Variants in PEBP4 observed in about 807,000 individuals in gnomAD.
PEBP4 encodes phosphatidylethanolamine binding protein 4.
In PEBP4, 22 loss-of-function variants were observed where a neutral mutation model predicts 23.9. The ratio of observed to expected loss-of-function variants is 0.92; its 90% confidence interval spans 0.66 to 1.31. The LOEUF (loss-of-function observed/expected upper bound fraction) is 1.31, where lower values mean the gene tolerates loss of function less well. Among genes scored for constraint, PEBP4 ranks in the 40% most tolerant of loss-of-function variants. PEBP4 has a pLI of 0.00. For missense variants in PEBP4, 324 were observed against 281.7 expected (o/e 1.15, Z -1.07); for synonymous variants, 112 against 99.3 (o/e 1.13, Z -0.76).
At chr8:22,737,494 C>T (rs1804891949) in intron 4 of PEBP4, among the ~76,000 whole-genome samples, 3 of 152,124 alleles carry the variant, frequency 2.0e-5, no homozygotes, top group Admixed American at 1.3e-4. Flanking sequence ...CTCAGATCCC[C>T]GCCCTCCAGG....
chr8:22,879,536 A>T (rs779106769), intron 3 of PEBP4: 2 of 152,234 alleles, frequency 1.3e-5, no homozygotes, highest in Non-Finnish European at 2.9e-5. Flanking sequence ...TCTTCAATCT[A>T]CAGAAGCAAC....
chr8:22,892,165 A>G lies in PEBP4; in HGVS notation c.258+28019T>C, dbSNP rs574943498. On this transcript the variant is annotated intron_variant, in intron 3 of 6. Coordinates refer to ENST00000256404, the MANE Select transcript of PEBP4 (RefSeq NM_144962.3). ...AACTTGTGAGAAATAAAACTTTAGT[A>G]GTCAGCCTATTTAATGCTAAAATAT... Among the ~76,000 whole-genome samples the G allele has an allele frequency of 3.9e-5, 6 of 152,314 alleles. No homozygotes were observed. In the East Asian group the frequency reaches 7.7e-4, roughly 20 times the overall value.
intron 4 of PEBP4, among the ~76,000 whole-genome samples, chr8:22,771,876 TA>T (rs149938804): frequency 0.012 from 1,819 of 152,358 alleles, 33 homozygotes; most frequent in African/African-American, 0.041. Flanking sequence ...AAAATAGGTA[TA>T]AATATGACTG....
chr8:22,812,735 T>C (rs1806657464), intron 4 of PEBP4, among the ~76,000 whole-genome samples: 1 of 152,232 alleles, frequency 6.6e-6, no homozygotes, highest in African/African-American at 2.4e-5. Flanking sequence ...AGTGTGGTTC[T>C]GGATATATAG....
At chr8:22,922,766 C>T (rs1202972900) in intron 2 of PEBP4, among the ~76,000 whole-genome samples, 1 of 151,616 alleles carries the variant, frequency 6.6e-6, no homozygotes, top group Non-Finnish European at 1.5e-5. Flanking sequence ...TCAAAGGTGC[C>T]ACCTTCCTGT....
chr8:22,743,577 G>A (rs763079549), intron 4 of PEBP4, among the ~76,000 whole-genome samples: 5 of 152,142 alleles, frequency 3.3e-5, no homozygotes, highest in South Asian at 2.1e-4. Flanking sequence ...AAGCCCCTCC[G>A]GAGCTGCCTT....
intron 4 of PEBP4, among the ~76,000 whole-genome samples, chr8:22,795,372 T>G (rs1156490357): frequency 6.6e-6 from 1 of 151,628 alleles, no homozygotes; most frequent in Non-Finnish European, 1.5e-5. Flanking sequence ...AGACGGGGTT[T>G]CACCGTGTTA....
intron 3 of PEBP4, among the ~76,000 whole-genome samples, chr8:22,823,479 ATAAG>A (rs887114248): frequency 6.0e-4 from 91 of 152,018 alleles, no homozygotes; most frequent in African/African-American, 2.1e-3. Context: ...AGTATGTGAA[ATAAG>A]TAAGTTACAG....
chr8:22,777,714 GC>G (rs1805841023), intron 4 of PEBP4, among the ~76,000 whole-genome samples: 2 of 152,150 alleles, frequency 1.3e-5, no homozygotes, highest in Admixed American at 6.5e-5. Flanking sequence ...ACTGCTCCAA[GC>G]CCCCAGCCTT....
At chr8:22,788,762 G>GAA (rs36060119) in intron 4 of PEBP4, among the ~76,000 whole-genome samples, 1 of 152,158 alleles carries the variant, frequency 6.6e-6, no homozygotes, top group African/African-American at 2.4e-5. Flanking sequence ...AAAAGCCTTT[G>GAA]AATATGCAAA....
At chr8:22,878,394 T>C (rs1808173982) in intron 3 of PEBP4, among the ~76,000 whole-genome samples, 1 of 152,088 alleles carries the variant, frequency 6.6e-6, no homozygotes, top group East Asian at 1.9e-4. Context: ...CAGTGCATGC[T>C]CAGTGGGAGG....
At chr8:22,826,548 T>C (rs1585294149) in intron 3 of PEBP4, among the ~76,000 whole-genome samples, 1 of 152,214 alleles carries the variant, frequency 6.6e-6, no homozygotes, top group Admixed American at 6.5e-5. Flanking sequence ...CAATGATATG[T>C]ACTCAGAGTG....
chr8:22,917,135 G>A (rs1055484736), intron 3 of PEBP4, among the ~76,000 whole-genome samples: 1 of 151,584 alleles, frequency 6.6e-6, no homozygotes, highest in African/African-American at 2.4e-5. Flanking sequence ...GGGAGGGGGG[G>A]GTGTTCCCAG....
At chr8:22,793,242 C>T (rs2128757286) in intron 4 of PEBP4, among the ~76,000 whole-genome samples, 1 of 152,198 alleles carries the variant, frequency 6.6e-6, no homozygotes, top group East Asian at 1.9e-4. Flanking sequence ...TATATATTCA[C>T]CTTCAACCAT....
At chr8:22,771,344 T>C (rs1187847086) in intron 4 of PEBP4, among the ~76,000 whole-genome samples, 2 of 151,942 alleles carry the variant, frequency 1.3e-5, no homozygotes, top group African/African-American at 4.8e-5. Context: ...CAAAAATTAG[T>C]CCGACATGGT....
At chr8:22,882,867 C>T (rs1808292975) in intron 3 of PEBP4, among the ~76,000 whole-genome samples, 1 of 152,144 alleles carries the variant, frequency 6.6e-6, no homozygotes, top group Admixed American at 6.5e-5. Flanking sequence ...AGTCCTTATA[C>T]CCAGAGCCTA....
chr8:22,721,575 C>T (rs955627442), intron 6 of PEBP4, among the ~76,000 whole-genome samples: 1 of 152,280 alleles, frequency 6.6e-6, no homozygotes. Context: ...GGATGGGGTT[C>T]AGTGGCCCGT....
rs1403807371 is a variant in PEBP4, at chr8:22,920,300, C to G, written c.142G>C (p.Val48Leu). 1 of 1,612,998 alleles carries G rather than the reference C, an allele frequency of 6.2e-7. No individual in the cohort carries two copies. Among genetic ancestry groups the G allele is most frequent in the South Asian group, 1.1e-5 (1 of 91,022 alleles). Residue 48 changes from valine (V) to leucine (L), a missense_variant, in exon 3 of 7, where the codon GTT becomes CTT. Physicochemically the swap from Val to Leu is conservative, Grantham distance 32 (BLOSUM62 1). Coordinates refer to ENST00000256404, the MANE Select transcript of PEBP4 (RefSeq NM_144962.3). Reference sequence around the variant, plus strand: ...ATGTTCCCCAACTCTGGGTAGAAAACTTCAAGGCCCCTATGAAGAGAGAGG... The same window carrying G: ...ATGTTCCCCAACTCTGGGTAGAAAAGTTCAAGGCCCCTATGAAGAGAGAGG... Reference protein sequence around the residue: ...EDTLFCQGLEVFYPELGNIGC... With the variant: ...EDTLFCQGLELFYPELGNIGC...
At chr8:22,937,809 TGTGTG>T in intron 1 of PEBP4, among the ~76,000 whole-genome samples, 1 of 151,980 alleles carries the variant, frequency 6.6e-6, no homozygotes, top group Non-Finnish European at 1.5e-5. Flanking sequence ...TGTGTGTGTG[TGTGTG>T]TGTGTGTGTG....
Sources: gnomAD v4.1 joint callset for allele counts (sites outside exome capture counted in the v4.1 genomes callset) on GRCh38, gnomAD v4.1.1 for gene constraint, MANE v1.5 for transcripts, NCBI Gene and HGNC (gene_info 2026-07-23, HGNC 2026-07-21) for gene names.